The following SLCO3A1 variants were observed in gnomAD, a reference collection of about 807,000 sequenced individuals.
SLCO3A1 encodes PGE1 transporter.
Under a neutral mutation model 63.1 loss-of-function variants are expected in SLCO3A1, and 27 were observed. That is an observed-to-expected ratio of 0.43 (90% CI 0.32 to 0.59). The LOEUF is 0.59. Ranked by LOEUF, SLCO3A1 falls within the 20% of genes least tolerant of loss-of-function variation. The pLI is 0.09. For missense variants in SLCO3A1, 773 were observed against 945.8 expected (o/e 0.82, Z 2.40); for synonymous variants, 473 against 409.9 (o/e 1.15, Z -1.86).
At chr15:91,888,781 G>A (rs1897790963) in intron 1 of SLCO3A1, among the ~76,000 whole-genome samples, 1 of 152,010 alleles carries the variant, frequency 6.6e-6, no homozygotes, top group Non-Finnish European at 1.5e-5. Context: ...CCAGTAGTTA[G>A]ATACCAGCTT....
In SLCO3A1 at chr15:91,894,982, A is replaced by G. The variant is rs1897968190; in HGVS notation, c.181-21011A>G. Among the ~76,000 whole-genome samples the G allele has an allele frequency of 6.6e-6, 1 of 152,212 alleles. No homozygotes were observed. The highest frequency in any genetic ancestry group is 6.5e-5 in the Admixed American group (1 of 15,284). On this transcript the variant is annotated intron_variant, in intron 1 of 9. Transcript: ENST00000318445. This position sits in a 1 kb window ranked among gnomAD's most constrained non-coding sequence, Gnocchi z 4.8. ...GTGGCTGTGAGTCTCCAGAGACTCA[A>G]GGCATTTGCTTTGTGAGGACACAGA...
At chr15:91,892,623 C>T (rs1249220480) in intron 1 of SLCO3A1, among the ~76,000 whole-genome samples, 3 of 152,232 alleles carry the variant, frequency 2.0e-5, no homozygotes, top group Admixed American at 6.5e-5. Flanking sequence ...CTGTGCCACA[C>T]ACTGACTGTG....
intron 2 of SLCO3A1, among the ~76,000 whole-genome samples, chr15:91,955,819 G>A (rs1164004543): frequency 6.6e-6 from 1 of 152,184 alleles, no homozygotes; most frequent in Non-Finnish European, 1.5e-5. Flanking sequence ...AAAACAAACA[G>A]CAGTGACTGC....
chr15:92,031,007 G>A (rs2151479450), intron 2 of SLCO3A1, among the ~76,000 whole-genome samples: 1 of 124,152 alleles, frequency 8.1e-6, no homozygotes, highest in Middle Eastern at 4.4e-3. Flanking sequence ...GGCTTGGGCT[G>A]TACCCTGTGA....
intron 2 of SLCO3A1, among the ~76,000 whole-genome samples, chr15:92,023,422 C>A (rs2046533653): frequency 6.6e-6 from 1 of 151,760 alleles, no homozygotes; most frequent in Admixed American, 6.6e-5. Flanking sequence ...GAGAAGAAAA[C>A]TGGAGCTTTC....
Position 91,860,168 on chromosome 15 carries a change from G to T in SLCO3A1, c.180+6080G>T, listed in dbSNP as rs1291748890. Among the ~76,000 whole-genome samples, 1 of 152,202 alleles carries T rather than the reference G, an allele frequency of 6.6e-6. No individual in the cohort carries two copies. Among genetic ancestry groups the T allele is most frequent in the African/African-American group, 2.4e-5 (1 of 41,442 alleles). On this transcript the variant is annotated intron_variant, in intron 1 of 9. Transcript: ENST00000318445. The surrounding 1 kb of genome is among the most constrained non-coding windows in gnomAD (Gnocchi z 5.5). Reference sequence around the variant, plus strand: ...GGGCAGGCAGGACTGGCTGGGCGGGGCAGGTACCCTGATGCTTCACTTTGG... The same window carrying T: ...GGGCAGGCAGGACTGGCTGGGCGGGTCAGGTACCCTGATGCTTCACTTTGG...
rs552298422 is a variant in SLCO3A1 at position 92,124,566 on chromosome 15, A to G, written c.1175-1495A>G. On this transcript the variant is annotated intron_variant, in intron 5 of 9. Transcript: ENST00000318445. ...GGATGCCCACTCCGTGCTGGGTACC[A>G]TGCTAGACACAGAGAATCTAGGCGG... is the stretch of plus-strand genomic sequence containing the variant. Among the ~76,000 whole-genome samples the G allele has an allele frequency of 3.9e-5, 6 of 152,302 alleles. No individual in the cohort carries two copies. In the South Asian group the frequency reaches 1.2e-3, roughly 32 times the overall value.
In SLCO3A1 at chr15:91,950,379, G is replaced by A. The variant is rs1250097902; in HGVS notation, c.646+33921G>A. ...GGCCCTGGCTGGGCAGGCAGGGGGA[G>A]CCCAGCCCTGTCACTGGCCATTGAT... On this transcript the variant is annotated intron_variant, in intron 2 of 9. Coordinates refer to ENST00000318445, the MANE Select transcript of SLCO3A1 (RefSeq NM_013272.4). This position sits in a 1 kb window ranked among gnomAD's most constrained non-coding sequence, Gnocchi z 4.4. 6.6e-6 allele frequency among the ~76,000 whole-genome samples: 1 copy of A among 152,142 alleles called. No homozygotes were observed. The highest frequency in any genetic ancestry group is 1.5e-5 in the Non-Finnish European group (1 of 68,016).
At chr15:91,993,352 ACCACT>A in intron 2 of SLCO3A1, among the ~76,000 whole-genome samples, 1 of 152,234 alleles carries the variant, frequency 6.6e-6, no homozygotes, top group Non-Finnish European at 1.5e-5. Context: ...GTTTGAAGTT[ACCACT>A]CCAGACACCT....
At chr15:92,018,334 C>A (rs982718334) in intron 2 of SLCO3A1, among the ~76,000 whole-genome samples, 5 of 152,156 alleles carry the variant, frequency 3.3e-5, no homozygotes, top group African/African-American at 1.2e-4. Flanking sequence ...TCCTTGAGAG[C>A]CAGCAGGGGC....
intron 2 of SLCO3A1, among the ~76,000 whole-genome samples, chr15:92,042,386 A>G (rs1027141141): frequency 1.3e-5 from 2 of 152,164 alleles, no homozygotes; most frequent in African/African-American, 4.8e-5. Flanking sequence ...TGACTGTTTT[A>G]TTATGCCGTC....
intron 2 of SLCO3A1, among the ~76,000 whole-genome samples, chr15:92,051,100 T>C (rs1567090568): frequency 6.6e-6 from 1 of 152,174 alleles, no homozygotes; most frequent in Non-Finnish European, 1.5e-5. Context: ...TACCTACAAT[T>C]TTCTTGTGTT....
intron 1 of SLCO3A1, among the ~76,000 whole-genome samples, chr15:91,881,700 T>C (rs1379028781): frequency 6.6e-6 from 1 of 152,192 alleles, no homozygotes. Context: ...ATGGTCTTTC[T>C]GTCGGAGCTC....
chr15:92,161,239 TG>T (rs2048433006), intron 9 of SLCO3A1, among the ~76,000 whole-genome samples: 1 of 152,344 alleles, frequency 6.6e-6, no homozygotes, highest in South Asian at 2.1e-4. Flanking sequence ...GTGACTCATC[TG>T]TCACTTTCCC....
At chr15:91,907,816 G>A (rs1475094140) in intron 1 of SLCO3A1, among the ~76,000 whole-genome samples, 3 of 152,256 alleles carry the variant, frequency 2.0e-5, no homozygotes, top group East Asian at 3.9e-4. Context: ...GTGAGTCACC[G>A]TGCCCAGCTC....
intron 8 of SLCO3A1, among the ~76,000 whole-genome samples, chr15:92,147,929 C>G (rs893032181): frequency 2.0e-5 from 3 of 152,200 alleles, no homozygotes; most frequent in Non-Finnish European, 4.4e-5. Flanking sequence ...TACACAAAGA[C>G]TCATCAGCTG....
rs1455324909 is a variant in SLCO3A1, at chr15:92,164,736, G to A, written c.*1601G>A. On this transcript the variant is annotated 3_prime_UTR_variant, in exon 10 of 10. Transcript: ENST00000318445. ...GCCCTTGTCTGTGTGTTTTGAAGGT[G>A]GGTGAACCTCAGAGAATGAACCTGT... 1 of 985,240 alleles carries A rather than the reference G, an allele frequency of 1.0e-6. No homozygotes were observed. The highest frequency in any genetic ancestry group is 1.2e-6 in the Non-Finnish European group (1 of 829,932). The allele number at this position is 985,240 out of a possible 1,614,324, so 61.0% of individuals were successfully genotyped here.
chr15:91,949,746 C>T (rs1899934849), intron 2 of SLCO3A1, among the ~76,000 whole-genome samples: 1 of 152,096 alleles, frequency 6.6e-6, no homozygotes, highest in African/African-American at 2.4e-5. Context: ...CTTGTAGTCC[C>T]AGCTACTTGG....
intron 1 of SLCO3A1, among the ~76,000 whole-genome samples, chr15:91,901,923 T>C (rs990055608): frequency 3.9e-5 from 6 of 152,108 alleles, no homozygotes; most frequent in African/African-American, 1.2e-4. Flanking sequence ...TCTGCCTCTT[T>C]CTCTTTTTTC....
Sources: gnomAD v4.1 joint callset for allele counts (sites outside exome capture counted in the v4.1 genomes callset) on GRCh38, gnomAD v4.1.1 for gene constraint, Gnocchi (gnomAD v3.1) non-coding constraint, MANE v1.5 for transcripts, NCBI Gene and HGNC (gene_info 2026-07-23, HGNC 2026-07-21) for gene names.